Variants in LINGO2 observed in about 807,000 individuals in gnomAD.
LINGO2 encodes the protein leucine-rich repeat and immunoglobulin-like domain-containing nogo receptor-interacting protein 2.
In LINGO2, 14 loss-of-function variants were observed where a neutral mutation model predicts 30.6. The observed-to-expected ratio is 0.46, with a 90% CI of 0.30 to 0.72. The LOEUF (loss-of-function observed/expected upper bound fraction) is 0.72. Ranked by LOEUF, LINGO2 falls within the 30% of genes least tolerant of loss-of-function variation. The probability of loss-of-function intolerance (pLI) is 0.07; values close to 1 mark genes in which losing one functional copy is unlikely to be tolerated. For synonymous variants in LINGO2, 317 were observed against 288.5 expected (o/e 1.10, Z -1.00); for missense variants, 729 against 751.7 (o/e 0.97, Z 0.35).
chr9:28,809,983 ATTG>A, the LINGO2 span, among the ~76,000 whole-genome samples: 1 of 152,068 alleles, frequency 6.6e-6, no homozygotes, highest in Admixed American at 6.6e-5. Context: ...GCCTTTGCTT[ATTG>A]TTGTTCATTG....
the LINGO2 span, among the ~76,000 whole-genome samples, chr9:28,864,161 A>G: frequency 6.6e-6 from 1 of 152,104 alleles, no homozygotes. Context: ...CCCACTTTAT[A>G]CTCATATAAT....
chr9:28,675,158 T>C (rs1829168606), upstream of LINGO2, among the ~76,000 whole-genome samples: 1 of 152,306 alleles, frequency 6.6e-6, no homozygotes, highest in East Asian at 1.9e-4. Context: ...AAAGGCGGTA[T>C]TATCCCACTT....
intron 4 of LINGO2, among the ~76,000 whole-genome samples, chr9:28,051,836 A>T (rs958619307): frequency 4.6e-5 from 7 of 152,086 alleles, no homozygotes; most frequent in Non-Finnish European, 1.0e-4. Flanking sequence ...AATCCAAATT[A>T]AAAAAACAGG....
the LINGO2 span, among the ~76,000 whole-genome samples, chr9:29,109,174 T>A: frequency 6.6e-6 from 1 of 152,170 alleles, no homozygotes; most frequent in Non-Finnish European, 1.5e-5. Context: ...AGCTATTGCA[T>A]AAAGTGCTTA....
At chr9:29,087,358 G>A in the LINGO2 span, among the ~76,000 whole-genome samples, 4 of 152,248 alleles carry the variant, frequency 2.6e-5, no homozygotes, top group Non-Finnish European at 5.9e-5. Flanking sequence ...ACCAGGACTG[G>A]TACACATTAA....
the LINGO2 span, among the ~76,000 whole-genome samples, chr9:28,943,948 G>A: frequency 6.6e-6 from 1 of 152,134 alleles, no homozygotes; most frequent in Non-Finnish European, 1.5e-5. Flanking sequence ...ACACATTCAC[G>A]GAAGAATGCA....
At chr9:28,734,384 A>G in the LINGO2 span, among the ~76,000 whole-genome samples, 1 of 152,158 alleles carries the variant, frequency 6.6e-6, no homozygotes, top group Non-Finnish European at 1.5e-5. Flanking sequence ...CAATTTATAA[A>G]TTACTTATTC....
At chr9:28,988,239 T>C in the LINGO2 span, among the ~76,000 whole-genome samples, 1 of 152,210 alleles carries the variant, frequency 6.6e-6, no homozygotes, top group African/African-American at 2.4e-5. Flanking sequence ...TATTTACAAT[T>C]GTTATACTTT....
At chr9:28,284,930 T>C (rs1823453532) in intron 4 of LINGO2, among the ~76,000 whole-genome samples, 1 of 152,084 alleles carries the variant, frequency 6.6e-6, no homozygotes, top group Non-Finnish European at 1.5e-5. Flanking sequence ...TGACCATAAC[T>C]CATAGAACTG....
the LINGO2 span, among the ~76,000 whole-genome samples, chr9:28,749,441 T>C: frequency 6.6e-6 from 1 of 152,046 alleles, no homozygotes; most frequent in African/African-American, 2.4e-5. Context: ...AAACCTCAAT[T>C]TATGTGCCTA....
the LINGO2 span, among the ~76,000 whole-genome samples, chr9:28,826,135 C>T: frequency 6.6e-6 from 1 of 152,068 alleles, no homozygotes; most frequent in South Asian, 2.1e-4. Context: ...GACATACCAA[C>T]CAATCAGAAC....
intron 2 of LINGO2, among the ~76,000 whole-genome samples, chr9:28,467,177 C>T: frequency 6.6e-6 from 1 of 152,184 alleles, no homozygotes; most frequent in Non-Finnish European, 1.5e-5. Context: ...AGGTACCCAC[C>T]ACCACGCCTG....
At chr9:29,193,633 A>G in the LINGO2 span, among the ~76,000 whole-genome samples, 1 of 152,164 alleles carries the variant, frequency 6.6e-6, no homozygotes, top group Non-Finnish European at 1.5e-5. Context: ...GGAAACCTGC[A>G]AAGGGCTGGG....
the LINGO2 span, among the ~76,000 whole-genome samples, chr9:29,114,140 T>C: frequency 2.0e-5 from 3 of 151,506 alleles, no homozygotes; most frequent in Admixed American, 6.6e-5. Context: ...TAAAAAAATC[T>C]GTGAATGACA....
chr9:28,106,854 G>T (rs1826608869), intron 4 of LINGO2, among the ~76,000 whole-genome samples: 1 of 152,132 alleles, frequency 6.6e-6, no homozygotes, highest in Non-Finnish European at 1.5e-5. Context: ...AAAGTATCTT[G>T]TTTATGGCAA....
intron 1 of LINGO2, among the ~76,000 whole-genome samples, chr9:28,546,996 A>T (rs1044091231): frequency 4.6e-5 from 7 of 152,136 alleles, no homozygotes; most frequent in African/African-American, 1.7e-4. Flanking sequence ...ACTGCAGGAA[A>T]AATTGACTGG....
At chr9:29,166,429 C>T in the LINGO2 span, among the ~76,000 whole-genome samples, 1 of 152,180 alleles carries the variant, frequency 6.6e-6, no homozygotes, top group African/African-American at 2.4e-5. Context: ...AGAACACGAA[C>T]TCTCCAGTTA....
chr9:28,879,872 G>C, the LINGO2 span, among the ~76,000 whole-genome samples: 63,920 of 152,078 alleles, frequency 0.42, 15,999 homozygotes, highest in Non-Finnish European at 0.54. Flanking sequence ...GTGGTAGAAA[G>C]AGCTAGACAG....
At chr9:28,771,502 TGTGTGA>T in the LINGO2 span, among the ~76,000 whole-genome samples, 3,143 of 60,112 alleles carry the variant, frequency 0.052, 31 homozygotes, top group Admixed American at 0.12. Context: ...TGTGTGTGTG[TGTGTGA>T]GAGAGAGAGA....
Sources: gnomAD v4.1 joint callset for allele counts (sites outside exome capture counted in the v4.1 genomes callset) on GRCh38, gnomAD v4.1.1 for gene constraint, MANE v1.5 for transcripts, NCBI Gene and HGNC (gene_info 2026-07-23, HGNC 2026-07-21) for gene names.